Variants in GNAQ observed in about 807,000 individuals in gnomAD.
GNAQ encodes the protein G protein subunit alpha q.
In GNAQ, 8 loss-of-function variants were observed where a neutral mutation model predicts 43.9. That is an observed-to-expected ratio of 0.18 (90% CI 0.11 to 0.33). The LOEUF is 0.33. GNAQ is among the 10% of genes least tolerant of loss of function. The pLI, the probability that GNAQ is intolerant of heterozygous loss-of-function variation, is 1.00. For missense variants in GNAQ, 158 were observed against 450.8 expected (o/e 0.35, Z 5.88); for synonymous variants, 155 against 170.7 (o/e 0.91, Z 0.71).
At chr9:77,785,736 T>A (rs148782284) in intron 5 of GNAQ, among the ~76,000 whole-genome samples, 7 of 152,214 alleles carry the variant, frequency 4.6e-5, no homozygotes, top group African/African-American at 1.7e-4. Flanking sequence ...AATTAAAATT[T>A]AAATCATTCA....
chr9:77,985,166 C>T (rs1823419426), intron 1 of GNAQ, among the ~76,000 whole-genome samples: 1 of 152,006 alleles, frequency 6.6e-6, no homozygotes, highest in South Asian at 2.1e-4. Context: ...AAAAATTAGC[C>T]AGGCATGGTG....
At chr9:77,774,366 G>C (rs1343281865) in intron 5 of GNAQ, among the ~76,000 whole-genome samples, 1 of 152,118 alleles carries the variant, frequency 6.6e-6, no homozygotes, top group African/African-American at 2.4e-5. Context: ...CCAGACATTT[G>C]TACTTAATTT....
chr9:77,979,904 A>T (rs1476530071), intron 1 of GNAQ, among the ~76,000 whole-genome samples: 1 of 152,218 alleles, frequency 6.6e-6, no homozygotes, highest in Non-Finnish European at 1.5e-5. Flanking sequence ...AACAATAAAA[A>T]ACACAGTCTC....
chr9:77,947,285 G>T (rs1414691715), intron 1 of GNAQ, among the ~76,000 whole-genome samples: 1 of 152,244 alleles, frequency 6.6e-6, no homozygotes, highest in Non-Finnish European at 1.5e-5. Context: ...CCACAAGGAG[G>T]CAAGCAGTGA....
chr9:77,744,340 T>C (rs1444282326), intron 5 of GNAQ, among the ~76,000 whole-genome samples: 1 of 152,240 alleles, frequency 6.6e-6, no homozygotes, highest in East Asian at 1.9e-4. Context: ...CATGCCTTCA[T>C]TTGATGAAGG....
chr9:78,014,387 G>T (rs1385409886), intron 1 of GNAQ, among the ~76,000 whole-genome samples: 4 of 152,090 alleles, frequency 2.6e-5, no homozygotes. Context: ...CATTTTGGCA[G>T]GCCTAGACGG....
chr9:77,821,727 GTGTGTGT>G (rs1827117805), intron 2 of GNAQ, among the ~76,000 whole-genome samples: 4 of 149,026 alleles, frequency 2.7e-5, no homozygotes, highest in Admixed American at 6.7e-5. Context: ...TAGTATGGGT[GTGTGTGT>G]GTGTGTGTGT....
intron 1 of GNAQ, among the ~76,000 whole-genome samples, chr9:77,987,673 C>T (rs1246957955): frequency 6.6e-6 from 1 of 152,092 alleles, no homozygotes; most frequent in Non-Finnish European, 1.5e-5. Context: ...TCTAGCAATA[C>T]ACAATATAGA....
chr9:77,770,699 C>A (rs994880652), intron 5 of GNAQ, among the ~76,000 whole-genome samples: 4 of 152,140 alleles, frequency 2.6e-5, no homozygotes, highest in Non-Finnish European at 5.9e-5. Context: ...AGCAAGAACT[C>A]GGGCAAGAAC....
chr9:77,799,901 G>A (rs187796861), intron 3 of GNAQ, among the ~76,000 whole-genome samples: 1 of 152,316 alleles, frequency 6.6e-6, no homozygotes, highest in African/African-American at 2.4e-5. Flanking sequence ...CTGGCTGGAA[G>A]ACAAATAGAG....
At chr9:77,840,034 A>T (rs1367253667) in intron 2 of GNAQ, among the ~76,000 whole-genome samples, 2 of 152,152 alleles carry the variant, frequency 1.3e-5, no homozygotes, top group East Asian at 3.9e-4. Context: ...TTCATCTTTA[A>T]TTCATTTTTC....
chr9:77,934,548 T>C (rs1314337902), intron 1 of GNAQ, among the ~76,000 whole-genome samples: 1 of 152,096 alleles, frequency 6.6e-6, no homozygotes, highest in African/African-American at 2.4e-5. Context: ...AGAGAAGCAA[T>C]GATCTAGGAA....
intron 2 of GNAQ, among the ~76,000 whole-genome samples, chr9:77,909,276 C>T (rs943613478): frequency 3.3e-5 from 5 of 152,164 alleles, no homozygotes; most frequent in African/African-American, 1.2e-4. Flanking sequence ...TGCAGTGTTC[C>T]ATTAATACAA....
intron 2 of GNAQ, among the ~76,000 whole-genome samples, chr9:77,863,396 C>G (rs1827893241): frequency 6.6e-6 from 1 of 152,152 alleles, no homozygotes; most frequent in Admixed American, 6.5e-5. Context: ...CAACAAGTTC[C>G]TCATCTCCAT....
chr9:77,853,139 C>G lies in GNAQ; in HGVS notation c.322-37369G>C, dbSNP rs559586565. Among the ~76,000 whole-genome samples the G allele has an allele frequency of 9.9e-5, 15 of 152,240 alleles. No homozygotes were observed. The South Asian group carries it at 3.1e-3, about 32-fold the overall frequency. Reference sequence around the variant, plus strand: ...ATAACGGGAAGAAAATTTTAGAAAGCAGTACACTACATGTTATTAATATTT... The same window carrying G: ...ATAACGGGAAGAAAATTTTAGAAAGGAGTACACTACATGTTATTAATATTT... On this transcript the variant is annotated intron_variant, in intron 2 of 6. Coordinates refer to ENST00000286548, the MANE Select transcript of GNAQ (RefSeq NM_002072.5).
At chr9:77,848,165 T>TA (rs1413712250) in intron 2 of GNAQ, among the ~76,000 whole-genome samples, 2 of 152,170 alleles carry the variant, frequency 1.3e-5, no homozygotes, top group African/African-American at 4.8e-5. Flanking sequence ...GCCAAGAGTC[T>TA]AAAAATCACA....
intron 5 of GNAQ, among the ~76,000 whole-genome samples, chr9:77,775,919 T>C (rs1270997759): frequency 6.6e-6 from 1 of 152,026 alleles, no homozygotes; most frequent in Non-Finnish European, 1.5e-5. Flanking sequence ...AGCACGACTC[T>C]GTATCAAACA....
chr9:77,844,197 C>A (rs1331893105), intron 2 of GNAQ, among the ~76,000 whole-genome samples: 1 of 152,072 alleles, frequency 6.6e-6, no homozygotes, highest in African/African-American at 2.4e-5. Context: ...TCCCTTTAAG[C>A]CTTCATCTAG....
At chr9:77,815,028 C>G (rs1453857396) in intron 3 of GNAQ, among the ~76,000 whole-genome samples, 2 of 152,134 alleles carry the variant, frequency 1.3e-5, no homozygotes, top group African/African-American at 4.8e-5. Context: ...GTCTGACTGA[C>G]AGCTCACAAA....
Sources: allele counts gnomAD v4.1 joint callset (sites outside exome capture counted in the v4.1 genomes callset), GRCh38; gene constraint gnomAD v4.1.1; transcripts MANE v1.5; gene names NCBI Gene and HGNC (gene_info 2026-07-23, HGNC 2026-07-21).